TTC28: variants seen among roughly 807,000 people sequenced by gnomAD.
TTC28 encodes the protein tetratricopeptide repeat protein 28.
Under a neutral mutation model 198.0 loss-of-function variants are expected in TTC28, and 61 were observed. The observed-to-expected ratio is 0.31, with a 90% CI of 0.25 to 0.38. TTC28 has a LOEUF of 0.38. Among genes scored for constraint, TTC28 ranks in the 10% least tolerant of loss-of-function variants. The pLI, the probability that TTC28 is intolerant of heterozygous loss-of-function variation, is 1.00. For missense variants in TTC28, 2,678 were observed against 3,164.0 expected (o/e 0.85, Z 3.69); for synonymous variants, 1,171 against 1,297.8 (o/e 0.90, Z 2.10).
intron 2 of TTC28, among the ~76,000 whole-genome samples, chr22:28,387,768 C>T (rs562719851): frequency 2.6e-5 from 4 of 152,030 alleles, no homozygotes; most frequent in Non-Finnish European, 4.4e-5. Context: ...GAGTAGGTTG[C>T]GAAAATTTTC....
intron 2 of TTC28, among the ~76,000 whole-genome samples, chr22:28,436,162 T>C (rs112449687): frequency 0.011 from 1,681 of 152,330 alleles, 35 homozygotes; most frequent in East Asian, 0.085. Context: ...TTATATTCAA[T>C]ATTGCATTTC....
chr22:28,585,784 G>A (rs1316189611), intron 2 of TTC28, among the ~76,000 whole-genome samples: 3 of 152,134 alleles, frequency 2.0e-5, no homozygotes, highest in Non-Finnish European at 4.4e-5. Flanking sequence ...GGTCAATAAA[G>A]AACTGAAGAG....
rs1936912240 is a variant in TTC28 at position 27,978,279 on chromosome 22, T to C, written c.*3942A>G. 6.6e-6 allele frequency: 1 copy of C among 152,224 alleles called. No homozygotes were observed. The highest frequency in any genetic ancestry group is 2.4e-5 in the African/African-American group (1 of 41,440). 9.4% of individuals were successfully genotyped at this position (152,224 alleles called of 1,614,324 possible). On this transcript the variant is annotated 3_prime_UTR_variant, in exon 23 of 23. Transcript: ENST00000397906. The stretch of plus-strand genomic sequence containing the variant: ...GCCACAGGTGTCCTGACAGGGAACA[T>C]CTTTGAAGGATCTGGCACAAACAAG...
intron 1 of TTC28, among the ~76,000 whole-genome samples, chr22:28,639,567 C>A (rs1489938376): frequency 6.6e-6 from 1 of 152,128 alleles, no homozygotes; most frequent in Non-Finnish European, 1.5e-5. Context: ...ATCATGGGAG[C>A]CAGTCTTTCC....
At chr22:28,392,039 T>G (rs1020599446) in intron 2 of TTC28, among the ~76,000 whole-genome samples, 10 of 152,344 alleles carry the variant, frequency 6.6e-5, no homozygotes, top group South Asian at 2.1e-4. Flanking sequence ...GTCCTTTCTG[T>G]TTGTTAGTTT....
chr22:28,104,745 G>A (rs1201394807), intron 8 of TTC28, among the ~76,000 whole-genome samples: 1 of 152,166 alleles, frequency 6.6e-6, no homozygotes, highest in Non-Finnish European at 1.5e-5. Flanking sequence ...TTTACTGCTT[G>A]AGTACCCCTC....
rs16986103 is a variant in TTC28 at position 28,163,607 on chromosome 22, G to C, written c.934-8C>G. The C allele has an allele frequency of 0.032, 48,171 of 1,515,328 alleles. 925 individuals carry two copies. The highest frequency in any genetic ancestry group is 0.053 in the East Asian group (2,141 of 40,546). The allele number at this position is 1,515,328 out of a possible 1,614,324, so 93.9% of individuals were successfully genotyped here. ...CAAGGCTGATGAAGCTGCCTGGAGA[G>C]AAAAGGATAAAGTGGAGAAATGAAA... On this transcript the variant is annotated splice_region_variant and splice_polypyrimidine_tract_variant and intron_variant, in intron 5 of 22. Coordinates refer to ENST00000397906, the MANE Select transcript of TTC28 (RefSeq NM_001145418.2).
intron 2 of TTC28, among the ~76,000 whole-genome samples, chr22:28,570,058 C>T (rs5762696): frequency 0.99 from 150,727 of 152,340 alleles, 74,592 homozygotes; most frequent in Middle Eastern, 1. Flanking sequence ...ACATAACAGA[C>T]GTTGACGAGG....
chr22:28,634,125 G>C (rs1422908502), intron 1 of TTC28, among the ~76,000 whole-genome samples: 1 of 152,096 alleles, frequency 6.6e-6, no homozygotes, highest in African/African-American at 2.4e-5. Flanking sequence ...AGAAAAATGC[G>C]CTGTAGTAAG....
intron 12 of TTC28, among the ~76,000 whole-genome samples, chr22:28,031,506 A>G (rs986371328): frequency 1.3e-5 from 2 of 152,210 alleles, no homozygotes; most frequent in East Asian, 3.8e-4. Flanking sequence ...GACTCTGGAA[A>G]GGGGCAGACC....
chr22:28,229,376 T>A (rs1928624436), intron 5 of TTC28, among the ~76,000 whole-genome samples: 1 of 152,104 alleles, frequency 6.6e-6, no homozygotes, highest in South Asian at 2.1e-4. Flanking sequence ...ATCAAGAACA[T>A]CCTTAACTTT....
chr22:28,406,560 T>A (rs1054534368), intron 2 of TTC28, among the ~76,000 whole-genome samples: 1 of 152,172 alleles, frequency 6.6e-6, no homozygotes, highest in African/African-American at 2.4e-5. Context: ...TAGGGACACA[T>A]AGAAAGATAA....
At chr22:28,591,778 T>C (rs1319098097) in intron 2 of TTC28, among the ~76,000 whole-genome samples, 1 of 152,190 alleles carries the variant, frequency 6.6e-6, no homozygotes, top group East Asian at 1.9e-4. Context: ...CTCAAAGATT[T>C]TTTTTAATTC....
chr22:28,487,062 T>C (rs893845150), intron 2 of TTC28, among the ~76,000 whole-genome samples: 11 of 152,204 alleles, frequency 7.2e-5, no homozygotes, highest in African/African-American at 2.4e-4. Context: ...CCAATTTTTA[T>C]GTACTTTTAC....
At chr22:28,459,132 A>C (rs915716413) in intron 2 of TTC28, among the ~76,000 whole-genome samples, 1 of 151,790 alleles carries the variant, frequency 6.6e-6, no homozygotes, top group Non-Finnish European at 1.5e-5. Flanking sequence ...CTTTTTTTCT[A>C]AAAGAAAGCC....
intron 13 of TTC28, among the ~76,000 whole-genome samples, chr22:28,021,803 T>G (rs917825246): frequency 6.6e-6 from 1 of 152,074 alleles, no homozygotes; most frequent in Non-Finnish European, 1.5e-5. Context: ...TGTCTAGATA[T>G]AGGGCCAGGA....
chr22:28,537,797 G>A (rs1266562033), intron 2 of TTC28, among the ~76,000 whole-genome samples: 1 of 152,112 alleles, frequency 6.6e-6, no homozygotes, highest in African/African-American at 2.4e-5. Flanking sequence ...CTATCAGACA[G>A]CTAATAAACT....
intron 1 of TTC28, among the ~76,000 whole-genome samples, chr22:28,663,197 G>A (rs1348982641): frequency 6.6e-6 from 1 of 150,458 alleles, no homozygotes; most frequent in African/African-American, 2.4e-5. Flanking sequence ...GCAGTGAGCC[G>A]AGATAGTGCC....
At chr22:28,254,536 C>A (rs1930751216) in intron 5 of TTC28, among the ~76,000 whole-genome samples, 1 of 151,454 alleles carries the variant, frequency 6.6e-6, no homozygotes, top group South Asian at 2.1e-4. Context: ...AAAAGAATTC[C>A]TGGGATTTGA....
Sources: gnomAD v4.1 joint callset for allele counts (sites outside exome capture counted in the v4.1 genomes callset) on GRCh38, gnomAD v4.1.1 for gene constraint, MANE v1.5 for transcripts, NCBI Gene and HGNC (gene_info 2026-07-23, HGNC 2026-07-21) for gene names.